IQCM: variants seen among roughly 807,000 people sequenced by gnomAD.
The protein encoded by IQCM is IQ motif containing M, also known as IQ domain-containing protein M.
A neutral mutation model predicts 57.6 loss-of-function variants in IQCM; 45 were observed. That is an observed-to-expected ratio of 0.78 (90% CI 0.62 to 1.00). IQCM has a LOEUF of 1.00. Ranked by LOEUF, IQCM falls within the 50% of genes least tolerant of loss-of-function variation. IQCM has a pLI of 0.00. For missense variants in IQCM, 468 were observed against 511.6 expected, an observed-to-expected ratio of 0.91 and a Z score of 0.82; for synonymous variants, 148 against 158.9, an observed-to-expected ratio of 0.93 and a Z score of 0.51.
intron 2 of IQCM, among the ~76,000 whole-genome samples, chr4:149,769,670 T>C (rs1770386289): frequency 6.6e-6 from 1 of 151,880 alleles, no homozygotes; most frequent in South Asian, 2.1e-4. Context: ...GAGCAAAGAA[T>C]ATTGCCAGGG....
At chr4:149,618,232 A>T (rs1178777932) in intron 8 of IQCM, among the ~76,000 whole-genome samples, 1 of 152,194 alleles carries the variant, frequency 6.6e-6, no homozygotes, top group East Asian at 1.9e-4. Context: ...GACAAAGGCA[A>T]TTAAAAAATA....
intron 12 of IQCM, among the ~76,000 whole-genome samples, chr4:149,498,685 G>C (rs2149788524): frequency 6.6e-6 from 1 of 152,174 alleles, no homozygotes; most frequent in South Asian, 2.1e-4. Flanking sequence ...AGACAGTCAG[G>C]TAAAAAATAT....
At position 149,573,022 on chromosome 4, in the gene IQCM, T is replaced by C. The variant is rs1751310188; in HGVS notation, c.750-9132A>G. 3.3e-5 allele frequency among the ~76,000 whole-genome samples: 5 copies of C among 151,828 alleles called. No individual in the cohort carries two copies. The South Asian group carries it at 1.0e-3, about 31-fold the overall frequency. On this transcript the variant is annotated intron_variant, in intron 9 of 13. Transcript: ENST00000636793. ...AAAGCTATATGCATGAAGACACCCA[T>C]CCCCAGTTTCATTATAATAGAAAAA...
chr4:149,388,805 A>T (rs1011369560), intron 13 of IQCM, among the ~76,000 whole-genome samples: 7 of 148,170 alleles, frequency 4.7e-5, no homozygotes, highest in Middle Eastern at 3.6e-3. Flanking sequence ...AATCAGAGAA[A>T]GGACTATCCT....
rs565909284 is a variant in IQCM, at chr4:149,406,908, G to A, written c.1390+26488C>T. 6.6e-5 allele frequency among the ~76,000 whole-genome samples: 10 copies of A among 152,178 alleles called. No individual in the cohort carries two copies. In the South Asian group the frequency reaches 2.1e-3, roughly 32 times the overall value. ...GGACTCACAGTCCCACATGGCTGGG[G>A]AGGCCTCATGATCATGGTGGAAGGC... On this transcript the variant is annotated intron_variant, in intron 13 of 13. Transcript: ENST00000636793.
intron 13 of IQCM, among the ~76,000 whole-genome samples, chr4:149,426,769 G>A (rs1734488920): frequency 6.6e-6 from 1 of 151,962 alleles, no homozygotes; most frequent in Admixed American, 6.6e-5. Context: ...CCAAGGGAGA[G>A]CAAGGAAGAA....
intron 2 of IQCM, among the ~76,000 whole-genome samples, chr4:149,775,424 G>A (rs1262949193): frequency 6.6e-6 from 1 of 151,934 alleles, no homozygotes; most frequent in African/African-American, 2.4e-5. Context: ...CTGATTAAGA[G>A]ACAAAAAATA....
rs552204408 is a variant in IQCM at position 149,698,543 on chromosome 4, C to T, written c.386-12075G>A. ...TTGTCAGTGCAATTTAACTTCACCA[C>T]GAAACTTCAATGTGTGTAGCAATAG... is the stretch of plus-strand genomic sequence containing the variant. On this transcript the variant is annotated intron_variant, in intron 5 of 13. Transcript: ENST00000636793. Among the ~76,000 whole-genome samples the T allele has an allele frequency of 4.4e-4, 67 of 152,048 alleles. 1 individual carries two copies. The Middle Eastern group carries it at 0.01, about 23-fold the overall frequency.
At chr4:149,787,082 A>T (rs1772143010) in intron 2 of IQCM, among the ~76,000 whole-genome samples, 1 of 152,186 alleles carries the variant, frequency 6.6e-6, no homozygotes, top group African/African-American at 2.4e-5. Context: ...ACAGGAACGG[A>T]AAACCAAACA....
intron 2 of IQCM, among the ~76,000 whole-genome samples, chr4:149,760,830 G>A (rs1300150598): frequency 1.3e-5 from 2 of 151,914 alleles, no homozygotes; most frequent in East Asian, 1.9e-4. Context: ...TACTCAAAGA[G>A]TTTAAATAAT....
chr4:149,580,609 AAGGT>A (rs2149983433), intron 9 of IQCM, among the ~76,000 whole-genome samples: 1 of 151,962 alleles, frequency 6.6e-6, no homozygotes, highest in South Asian at 2.1e-4. Context: ...CTTTGTAAAC[AAGGT>A]AGGGAACTAT....
intron 5 of IQCM, among the ~76,000 whole-genome samples, chr4:149,710,694 C>G (rs1414227295): frequency 6.6e-6 from 1 of 152,132 alleles, no homozygotes; most frequent in East Asian, 1.9e-4. Context: ...AACACTAGCT[C>G]TCTATTTATT....
chr4:149,393,092 A>T (rs1436193126), intron 13 of IQCM, among the ~76,000 whole-genome samples: 1 of 151,964 alleles, frequency 6.6e-6, no homozygotes, highest in Non-Finnish European at 1.5e-5. Flanking sequence ...TAATGCTCAT[A>T]TGAGCCCAGG....
chr4:149,614,744 A>C (rs1755629596), intron 8 of IQCM, among the ~76,000 whole-genome samples: 1 of 152,202 alleles, frequency 6.6e-6, no homozygotes, highest in Admixed American at 6.5e-5. Flanking sequence ...AAATCGCCAA[A>C]AAATCTGATA....
Position 149,394,679 on chromosome 4 carries a change from G to A in IQCM, c.1390+38717C>T, listed in dbSNP as rs961450279. 2.6e-5 allele frequency among the ~76,000 whole-genome samples: 4 copies of A among 151,952 alleles called. No individual in the cohort carries two copies. In the East Asian group the frequency reaches 5.8e-4, roughly 22 times the overall value. ...GGAATTCTGACAGGTGGATGCCCAA[G>A]TCCTGCTCAACTAAAATCCAATGCC... On this transcript the variant is annotated intron_variant, in intron 13 of 13. Transcript: ENST00000636793.
chr4:149,714,397 T>C (rs1764820228), intron 5 of IQCM, among the ~76,000 whole-genome samples: 1 of 152,228 alleles, frequency 6.6e-6, no homozygotes, highest in South Asian at 2.1e-4. Context: ...CTACCATCTA[T>C]AAACTGAGGT....
At chr4:149,800,849 A>G (rs944187496) in intron 2 of IQCM, among the ~76,000 whole-genome samples, 2 of 151,960 alleles carry the variant, frequency 1.3e-5, no homozygotes, top group Non-Finnish European at 2.9e-5. Context: ...CCAAAAACAG[A>G]AAGATATTCC....
At chr4:149,394,170 T>C (rs1240170495) in intron 13 of IQCM, among the ~76,000 whole-genome samples, 2 of 152,006 alleles carry the variant, frequency 1.3e-5, no homozygotes, top group Non-Finnish European at 1.5e-5. Flanking sequence ...ATTTAACATA[T>C]CTTGGTTATC....
intron 13 of IQCM, among the ~76,000 whole-genome samples, chr4:149,405,003 A>G (rs1165269756): frequency 6.6e-6 from 1 of 152,156 alleles, no homozygotes; most frequent in Non-Finnish European, 1.5e-5. Context: ...GCAACAATTC[A>G]GGAAATGTAT....
Sources: allele counts gnomAD v4.1 joint callset (sites outside exome capture counted in the v4.1 genomes callset), GRCh38; gene constraint gnomAD v4.1.1; transcripts MANE v1.5; gene names NCBI Gene and HGNC (gene_info 2026-07-23, HGNC 2026-07-21).